Variants in PTBP1 observed in about 807,000 individuals in gnomAD.
The protein encoded by PTBP1 is polypyrimidine tract-binding protein 1.
PTBP1 carries 8 observed loss-of-function variants against 59.8 expected under a neutral mutation model. That is an observed-to-expected ratio of 0.13 (90% CI 0.08 to 0.24). The LOEUF is 0.24. Among genes scored for constraint, PTBP1 ranks in the 10% least tolerant of loss-of-function variants. The pLI is 1.00. For synonymous variants in PTBP1, 490 were observed against 320.7 expected (o/e 1.53, Z -5.64); for missense variants, 686 against 767.0 (o/e 0.89, Z 1.25).
At chr19:798,237 G>A (rs1461907156) in intron 1 of PTBP1, among the ~76,000 whole-genome samples, 2 of 152,084 alleles carry the variant, frequency 1.3e-5, no homozygotes, top group Non-Finnish European at 2.9e-5. Context: ...GTCATGGGGA[G>A]GGGCCTTCCC....
chr19:811,086 T>A lies in PTBP1; in HGVS notation c.*260T>A. 7.9e-6 allele frequency: 3 copies of A among 381,516 alleles called. No homozygotes were observed. Among genetic ancestry groups the A allele is most frequent in the Non-Finnish European group, 1.4e-5 (3 of 215,676 alleles). 23.6% of individuals were successfully genotyped at this position (381,516 alleles called of 1,614,324 possible). On this transcript the variant is annotated 3_prime_UTR_variant, in exon 15 of 15. Coordinates refer to ENST00000356948, the MANE Select transcript of PTBP1 (RefSeq NM_002819.5). ...ACCCGGGGCCAGACCCTCGGGGCCA[T>A]GCCTTGGTGGGGCCTGTGTCGGGCG...
chr19:810,474 G>A, intron 13 of PTBP1, 69 bp from the exon 14 acceptor site: 1 of 1,377,546 alleles, frequency 7.3e-7, no homozygotes, highest in Middle Eastern at 1.9e-4. Flanking sequence ...TCTGGGGAAA[G>A]CCTCGCGGAC....
At chr19:806,370 G>T (rs200610582) in intron 9 of PTBP1, 38 bp from the exon 10 acceptor site, 1 of 1,569,692 alleles carries the variant, frequency 6.4e-7, no homozygotes, top group South Asian at 1.2e-5. Flanking sequence ...CGGTGGAGTC[G>T]GGGGCGCCGC....
rs1342072717 is a variant in PTBP1 at position 804,097 on chromosome 19, A to C, written c.177A>C (p.Arg59Ser). Residue 59 changes from arginine (R) to serine (S), a missense_variant, in exon 4 of 15, where the codon AGA (arginine) becomes AGC (serine). Arg to Ser is a moderately radical substitution (Grantham distance 110). Coordinates refer to ENST00000356948, the MANE Select transcript of PTBP1 (RefSeq NM_002819.5). Reference protein sequence around the residue: ...GDSRSAGVPSRVIHIRKLPID... With the variant: ...GDSRSAGVPSSVIHIRKLPID... ...GCCGAAGTGCAGGCGTCCCCTCTAG[A>C]GTGATCCACATCCGGAAGCTCCCCA... is the stretch of plus-strand genomic sequence containing the variant. The C allele has an allele frequency of 6.2e-7, 1 of 1,613,888 alleles. No individual in the cohort carries two copies. The highest frequency in any genetic ancestry group is 8.5e-7 in the Non-Finnish European group (1 of 1,179,970).
chr19:801,534 C>T (rs1029400650), intron 2 of PTBP1, among the ~76,000 whole-genome samples: 1 of 152,242 alleles, frequency 6.6e-6, no homozygotes, highest in African/African-American at 2.4e-5. Context: ...TCCAAGATGC[C>T]CTTTTTAAGG....
At chr19:800,181 C>G (rs1031850708) in intron 2 of PTBP1, among the ~76,000 whole-genome samples, 1 of 151,898 alleles carries the variant, frequency 6.6e-6, no homozygotes, top group South Asian at 2.1e-4. Flanking sequence ...TGATGCACCC[C>G]CCTTGGCCTC....
At chr19:805,462 T>C (rs773885392) in intron 8 of PTBP1, 30 bp from the exon 9 acceptor site, 1 of 1,585,076 alleles carries the variant, frequency 6.3e-7, no homozygotes, top group Non-Finnish European at 8.7e-7. Flanking sequence ...AGGTTGTGGG[T>C]GCGATGATTA....
chr19:806,158 CGGG>C, intron 9 of PTBP1: 1 of 424,686 alleles, frequency 2.4e-6, no homozygotes, highest in South Asian at 4.5e-5. Context: ...GTGCTGTGGG[CGGG>C]GCGCATGCAG....
chr19:800,442 G>T (rs1480792620), intron 2 of PTBP1, among the ~76,000 whole-genome samples: 1 of 152,218 alleles, frequency 6.6e-6, no homozygotes, highest in Admixed American at 6.5e-5. Flanking sequence ...TCTCGAGGGA[G>T]CTGTAGTCCT....
chr19:800,894 G>T (rs1599219562), intron 2 of PTBP1, among the ~76,000 whole-genome samples: 1 of 152,186 alleles, frequency 6.6e-6, no homozygotes, highest in East Asian at 1.9e-4. Context: ...CTGGGACGTT[G>T]AAGCCCAGCC....
intron 5 of PTBP1, 34 bp from the exon 6 acceptor site, chr19:804,498 A>AG: frequency 4.4e-6 from 7 of 1,593,338 alleles, no homozygotes; most frequent in Non-Finnish European, 6.0e-6. Flanking sequence ...GCCCAGCCGC[A>AG]GGGGCCGGGG....
chr19:803,540 G>A (rs774529693), intron 2 of PTBP1, 21 bp from the exon 3 acceptor site: 23 of 1,608,896 alleles, frequency 1.4e-5, no homozygotes, highest in African/African-American at 2.7e-5. Context: ...GTGCAGCTCC[G>A]CGTTGTCCCT....
At chr19:802,770 C>T (rs1280386595) in intron 2 of PTBP1, among the ~76,000 whole-genome samples, 1 of 152,138 alleles carries the variant, frequency 6.6e-6, no homozygotes, top group Non-Finnish European at 1.5e-5. Context: ...ATCCTTGCAG[C>T]GGGGGGGATG....
Position 804,197 on chromosome 19 carries a change from G to A in PTBP1, c.277G>A (p.Gly93Arg), listed in dbSNP as rs1444651211. 1 of 1,607,028 alleles carries A rather than the reference G, an allele frequency of 6.2e-7. No individual in the cohort carries two copies. The highest frequency in any genetic ancestry group is 1.3e-5 in the African/African-American group (1 of 74,796). ...GGTCACCAACCTCCTGATGCTGAAG[G>A]GGAAAAACCAGGTACCTGAGCCGCG... ...GKVTNLLMLK[G>R]KNQAFIEMNT... Residue 93 changes from glycine (G) to arginine (R), a missense_variant, in exon 4 of 15, where the codon GGG becomes AGG. By Grantham distance (125) the Gly-to-Arg change is moderately radical (BLOSUM62 -2). Transcript: ENST00000356948.
chr19:811,265 T>G lies in PTBP1; in HGVS notation c.*439T>G, dbSNP rs1166930408. The G allele has an allele frequency of 6.5e-6, 1 of 153,518 alleles. No homozygotes were observed. Among genetic ancestry groups the G allele is most frequent in the East Asian group, 1.9e-4 (1 of 5,230 alleles). 9.5% of individuals were successfully genotyped at this position (153,518 alleles called of 1,614,324 possible). ...AGAGGCAGGGGGCCTGGCCGGCTCC[T>G]GCAGGATCATGCAGCTGGGGCGCGG... On this transcript the variant is annotated 3_prime_UTR_variant, in exon 15 of 15. Transcript: ENST00000356948.
chr19:803,508 G>A, intron 2 of PTBP1, 53 bp from the exon 3 acceptor site: 1 of 1,519,394 alleles, frequency 6.6e-7, no homozygotes, highest in Middle Eastern at 1.7e-4. Flanking sequence ...GGTGGGGAAG[G>A]GAGGCTCTGG....
At position 805,538 on chromosome 19, in the gene PTBP1, C is replaced by T. The variant is rs199674508; in HGVS notation, c.939C>T (p.Phe313=). 1.2e-4 allele frequency: 198 copies of T among 1,613,816 alleles called. No individual in the cohort carries two copies. The highest frequency in any genetic ancestry group is 1.6e-4 in the Non-Finnish European group (187 of 1,179,794). ...ISASPYAGAG[F]PPTFAIPQAA... ...CCTCTCCGTATGCAGGAGCTGGTTT[C>T]CCTCCCACCTTTGCCATTCCTCAAG... The change falls in exon 9 of 15, where the codon TTC becomes TTT. Residue 313 remains phenylalanine (F), a synonymous_variant. Transcript: ENST00000356948.
chr19:808,586 C>G lies in PTBP1; in HGVS notation c.1287C>G (p.Pro429=), dbSNP rs13169. The stretch of plus-strand genomic sequence containing the variant: ...ACGGGCACAAGCTGCACGGGAAGCC[C>G]ATCCGCATCACGCTCTCGAAGCACC... ...HLNGHKLHGK[P]IRITLSKHQN... Residue 429 remains proline, a synonymous_variant, in exon 13 of 15, where the codon CCC becomes CCG. Transcript: ENST00000356948. This position sits in a 1 kb window ranked among gnomAD's most constrained non-coding sequence, Gnocchi z 4.7. The G allele has an allele frequency of 0.15, 244,425 of 1,604,314 alleles. 20,812 individuals carry two copies. Among genetic ancestry groups the G allele is most frequent in the Admixed American group, 0.25 (14,760 of 59,054 alleles).
chr19:804,300 C>G lies in PTBP1; in HGVS notation c.297C>G (p.Ile99Met), dbSNP rs777095447. 6.2e-7 allele frequency: 1 copy of G among 1,613,738 alleles called. No individual in the cohort carries two copies. The highest frequency in any genetic ancestry group is 8.5e-7 in the Non-Finnish European group (1 of 1,179,934). The change falls in exon 5 of 15, where the codon ATC (isoleucine) becomes ATG (methionine). Residue 99 changes from isoleucine to methionine, a missense_variant. Ile to Met is a conservative substitution (Grantham distance 10). Coordinates refer to ENST00000356948, the MANE Select transcript of PTBP1 (RefSeq NM_002819.5). Reference sequence around the variant, plus strand: ...CACTGCCTCCCCAACAGGCCTTCATCGAGATGAACACGGAGGAGGCTGCCA... The same window carrying G: ...CACTGCCTCCCCAACAGGCCTTCATGGAGATGAACACGGAGGAGGCTGCCA... Reference protein sequence around the residue: ...LMLKGKNQAFIEMNTEEAANT... With the variant: ...LMLKGKNQAFMEMNTEEAANT...
Sources: allele counts gnomAD v4.1 joint callset (sites outside exome capture counted in the v4.1 genomes callset), GRCh38; gene constraint gnomAD v4.1.1; non-coding constraint Gnocchi (gnomAD v3.1); transcripts MANE v1.5; gene names NCBI Gene and HGNC (gene_info 2026-07-23, HGNC 2026-07-21).